Variants in EFCAB6 observed in about 807,000 individuals in gnomAD.
EFCAB6 encodes the protein EF-hand calcium binding domain 6.
In EFCAB6, 156 loss-of-function variants were observed where a neutral mutation model predicts 169.8. The ratio of observed to expected loss-of-function variants is 0.92; its 90% CI spans 0.81 to 1.05. EFCAB6 has a LOEUF of 1.05. Among genes scored for constraint, EFCAB6 ranks in the 50% least tolerant of loss-of-function variants. EFCAB6 has a pLI of 0.00. For missense variants in EFCAB6, 1,800 were observed against 1,829.1 expected (o/e 0.98, Z 0.29); for synonymous variants, 698 against 676.4 (o/e 1.03, Z -0.50).
chr22:43,529,402 G>GT (rs925079266), intron 31 of EFCAB6, among the ~76,000 whole-genome samples: 2 of 152,178 alleles, frequency 1.3e-5, no homozygotes, highest in African/African-American at 4.8e-5. Flanking sequence ...TGATAAGACC[G>GT]TAACAGAGCC....
chr22:43,691,678 T>C (rs571397612), intron 10 of EFCAB6, among the ~76,000 whole-genome samples: 2 of 152,196 alleles, frequency 1.3e-5, no homozygotes, highest in Admixed American at 1.3e-4. Context: ...TATAAATATA[T>C]GCAATAAATT....
chr22:43,682,071 G>A (rs927929227), intron 12 of EFCAB6, among the ~76,000 whole-genome samples: 2 of 152,122 alleles, frequency 1.3e-5, no homozygotes, highest in African/African-American at 4.8e-5. Flanking sequence ...CAGGCAAAAC[G>A]CCCAGCCCTG....
intron 2 of EFCAB6, among the ~76,000 whole-genome samples, chr22:43,802,127 T>A (rs555752768): frequency 6.6e-6 from 1 of 151,996 alleles, no homozygotes; most frequent in South Asian, 2.1e-4. Flanking sequence ...GAAAAAGAGG[T>A]GAGATGTCCC....
At position 43,694,847 on chromosome 22, in the gene EFCAB6, T is replaced by C. The variant is rs560611988; in HGVS notation, c.1032-7266A>G. 2.1e-3 allele frequency among the ~76,000 whole-genome samples: 315 copies of C among 152,114 alleles called. 1 individual carries two copies. The highest frequency in any genetic ancestry group is 7.4e-3 in the African/African-American group (306 of 41,512). On this transcript the variant is annotated intron_variant, in intron 10 of 31. Coordinates refer to ENST00000262726, the MANE Select transcript of EFCAB6 (RefSeq NM_022785.4). ...AACAGCAACAACAAAAACAATCCAT[T>C]GCTAATATCACACTCAATGGTGTAA... is the stretch of plus-strand genomic sequence containing the variant.
chr22:43,603,326 A>G (rs1309982804), intron 22 of EFCAB6, among the ~76,000 whole-genome samples: 1 of 152,252 alleles, frequency 6.6e-6, no homozygotes, highest in Admixed American at 6.5e-5. Context: ...CCTTCATTGT[A>G]TAACCCTTTG....
intron 24 of EFCAB6, 68 bp downstream of exon 24, chr22:43,590,006 A>C (rs951872759): frequency 1.3e-6 from 2 of 1,560,376 alleles, no homozygotes. Flanking sequence ...ATACAGAAGA[A>C]ACAAAGGCAA....
chr22:43,773,032 T>C lies in EFCAB6; in HGVS notation c.211A>G (p.Arg71Gly). The change falls in exon 4 of 32, where the codon AGA becomes GGA. Residue 71 changes from arginine to glycine, a missense_variant. Physicochemically the swap from Arg to Gly is moderately radical, Grantham distance 125. Coordinates refer to ENST00000262726, the MANE Select transcript of EFCAB6 (RefSeq NM_022785.4). ...AAGGCTTTTTGCAACTCATCCCCTC[T>C]GTCGGTAATTTTTTGAAATAAAATC... is the stretch of plus-strand genomic sequence containing the variant. ...KRILFQKITD[R>G]GDELQKAFQL... 1.2e-6 allele frequency: 2 copies of C among 1,614,246 alleles called. No homozygotes were observed. Among genetic ancestry groups the C allele is most frequent in the Non-Finnish European group, 1.7e-6 (2 of 1,180,042 alleles).
intron 21 of EFCAB6, among the ~76,000 whole-genome samples, chr22:43,611,300 A>C (rs2053284924): frequency 6.6e-6 from 1 of 152,340 alleles, no homozygotes; most frequent in African/African-American, 2.4e-5. Context: ...ATGGAAGTGA[A>C]AGTTTTCTAC....
chr22:43,618,098 T>C (rs1195868943), intron 20 of EFCAB6, among the ~76,000 whole-genome samples: 4 of 124,486 alleles, frequency 3.2e-5, no homozygotes, highest in South Asian at 5.2e-4. Flanking sequence ...TGAGACTCCA[T>C]CTCAAAAAAA....
intron 21 of EFCAB6, among the ~76,000 whole-genome samples, chr22:43,612,513 T>C (rs1467500407): frequency 6.6e-6 from 1 of 151,994 alleles, no homozygotes; most frequent in East Asian, 1.9e-4. Context: ...AACAATCATA[T>C]GAAAAAAAGC....
chr22:43,702,694 C>A (rs899415777), intron 10 of EFCAB6, among the ~76,000 whole-genome samples: 1 of 152,072 alleles, frequency 6.6e-6, no homozygotes. Flanking sequence ...GGAGACAAAG[C>A]GGGAGCTCTG....
chr22:43,627,362 C>T (rs776075001), intron 19 of EFCAB6, among the ~76,000 whole-genome samples: 2 of 152,222 alleles, frequency 1.3e-5, no homozygotes, highest in African/African-American at 4.8e-5. Context: ...CAAACCCCAG[C>T]TCTGCCACTT....
intron 31 of EFCAB6, 74 bp downstream of exon 31, chr22:43,530,741 C>T (rs2047004641): frequency 6.3e-7 from 1 of 1,595,130 alleles, no homozygotes; most frequent in Middle Eastern, 2.3e-4. Context: ...AGAGGGCTCC[C>T]CGTGGGAAGT....
Position 43,716,982 on chromosome 22 carries a change from C to A in EFCAB6, c.758-10G>T. ...TTCTCCAACGAGACCTCTGTTGAAA[C>A]AAAATAGCTTCGGCTTATCAACATT... is the stretch of plus-strand genomic sequence containing the variant. On this transcript the variant is annotated splice_polypyrimidine_tract_variant and intron_variant, in intron 8 of 31. Coordinates refer to ENST00000262726, the MANE Select transcript of EFCAB6 (RefSeq NM_022785.4). 2 of 1,503,712 alleles carry A rather than the reference C, an allele frequency of 1.3e-6. No individual in the cohort carries two copies. The highest frequency in any genetic ancestry group is 1.8e-6 in the Non-Finnish European group (2 of 1,126,996). 93.1% of individuals were successfully genotyped at this position (1,503,712 alleles called of 1,614,324 possible).
chr22:43,745,183 T>C (rs2147780349), intron 6 of EFCAB6, among the ~76,000 whole-genome samples: 1 of 152,350 alleles, frequency 6.6e-6, no homozygotes, highest in South Asian at 2.1e-4. Flanking sequence ...ATTCTTTTTA[T>C]AGCACTTTGA....
intron 18 of EFCAB6, among the ~76,000 whole-genome samples, chr22:43,634,526 T>C (rs1307052909): frequency 3.9e-5 from 6 of 152,088 alleles, no homozygotes; most frequent in Admixed American, 3.9e-4. Context: ...GAGTATTCCA[T>C]TGAGATATCT....
At chr22:43,710,969 T>G (rs1358807703) in intron 10 of EFCAB6, among the ~76,000 whole-genome samples, 2 of 152,000 alleles carry the variant, frequency 1.3e-5, no homozygotes, top group Non-Finnish European at 2.9e-5. Context: ...AATTAAGAAA[T>G]GGAGAGGAGG....
intron 5 of EFCAB6, among the ~76,000 whole-genome samples, chr22:43,764,819 CAA>C (rs906722115): frequency 5.6e-5 from 8 of 142,826 alleles, no homozygotes; most frequent in East Asian, 2.0e-4. Context: ...GCTCATGTTG[CAA>C]AAAAAAAAGA....
chr22:43,759,033 A>G (rs2061056823), intron 5 of EFCAB6, among the ~76,000 whole-genome samples: 1 of 152,164 alleles, frequency 6.6e-6, no homozygotes, highest in Non-Finnish European at 1.5e-5. Context: ...CACCAGCCTG[A>G]CCAGCATGGT....
Sources: gnomAD v4.1 joint callset for allele counts (sites outside exome capture counted in the v4.1 genomes callset) on GRCh38, gnomAD v4.1.1 for gene constraint, MANE v1.5 for transcripts, NCBI Gene and HGNC (gene_info 2026-07-23, HGNC 2026-07-21) for gene names.